LYPLAL1: variants seen among roughly 807,000 people sequenced by gnomAD.
The protein encoded by LYPLAL1 is lysophospholipase-like protein 1.
LYPLAL1 carries 23 observed loss-of-function variants against 19.7 expected under a neutral mutation model. The ratio of observed to expected loss-of-function variants is 1.17; its 90% CI spans 0.84 to 1.65. The LOEUF is 1.65. Ranked by LOEUF, LYPLAL1 falls within the 40% of genes most tolerant of loss-of-function variation. The probability of loss-of-function intolerance (pLI) is 0.00; values close to 1 mark genes in which losing one functional copy is unlikely to be tolerated. For missense variants in LYPLAL1, 355 were observed against 279.4 expected, an observed-to-expected ratio of 1.27 and a Z score of -1.93; for synonymous variants, 119 against 96.3, an observed-to-expected ratio of 1.24 and a Z score of -1.38.
chr1:219,437,939 G>A, the LYPLAL1 span, among the ~76,000 whole-genome samples: 1 of 151,688 alleles, frequency 6.6e-6, no homozygotes, highest in African/African-American at 2.4e-5. Flanking sequence ...GCTAATTTTT[G>A]TATTTTTAGT....
the LYPLAL1 span, among the ~76,000 whole-genome samples, chr1:219,238,869 AT>A: frequency 6.6e-5 from 10 of 152,330 alleles, no homozygotes; most frequent in African/African-American, 2.4e-4. Flanking sequence ...GTTTAGGTAA[AT>A]ATGTTTTGGG....
the LYPLAL1 span, among the ~76,000 whole-genome samples, chr1:219,265,814 T>C: frequency 6.6e-6 from 1 of 152,158 alleles, no homozygotes; most frequent in Non-Finnish European, 1.5e-5. Context: ...CTGAATACTG[T>C]AGGCACTTTT....
intron 3 of LYPLAL1, among the ~76,000 whole-genome samples, chr1:219,207,981 C>T (rs1451444470): frequency 1.3e-5 from 2 of 152,088 alleles, no homozygotes; most frequent in South Asian, 4.1e-4. Flanking sequence ...ACTCTTTGCT[C>T]AAATCCCATC....
At chr1:219,432,742 T>A in the LYPLAL1 span, among the ~76,000 whole-genome samples, 1 of 152,184 alleles carries the variant, frequency 6.6e-6, no homozygotes, top group Non-Finnish European at 1.5e-5. Flanking sequence ...ACGTTCATAG[T>A]AGAATATTTT....
chr1:219,302,980 C>G, the LYPLAL1 span, among the ~76,000 whole-genome samples: 1 of 152,172 alleles, frequency 6.6e-6, no homozygotes, highest in Non-Finnish European at 1.5e-5. Context: ...GTCCTCCCTG[C>G]ATTCCTGCTT....
chr1:219,278,353 AAAAC>A, the LYPLAL1 span, among the ~76,000 whole-genome samples: 1 of 152,214 alleles, frequency 6.6e-6, no homozygotes, highest in South Asian at 2.1e-4. Context: ...GAGAGAGAAA[AAAAC>A]AATTTAACAA....
At position 219,211,724 on chromosome 1, in the gene LYPLAL1, A is replaced by G. The variant is rs1659062817; in HGVS notation, c.710A>G (p.Lys237Arg). Residue 237 changes from lysine to arginine, a missense_variant, in exon 5 of 5, where the codon AAA (lysine) becomes AGA (arginine). By Grantham distance (26) the Lys-to-Arg change is conservative (BLOSUM62 2). Coordinates refer to ENST00000366928, the MANE Select transcript of LYPLAL1 (RefSeq NM_138794.5). ...TKLPGEMEKQ[K>R] ...CTGCCAGGAGAAATGGAAAAACAAA[A>G]ATGAATGAATCAAGAGTGATTTGTT... The G allele has an allele frequency of 8.2e-6, 13 of 1,591,574 alleles. No individual in the cohort carries two copies. Among genetic ancestry groups the G allele is most frequent in the African/African-American group, 1.3e-5 (1 of 74,144 alleles).
the LYPLAL1 span, among the ~76,000 whole-genome samples, chr1:219,257,060 C>A: frequency 2.6e-5 from 4 of 151,958 alleles, no homozygotes; most frequent in Admixed American, 2.6e-4. Context: ...CCAATTGGAT[C>A]ATGTTTCTTA....
At chr1:219,309,788 T>C in the LYPLAL1 span, among the ~76,000 whole-genome samples, 37 of 152,338 alleles carry the variant, frequency 2.4e-4, no homozygotes, top group East Asian at 6.9e-3. Flanking sequence ...GGTATGTCTT[T>C]ATCAGCAGCA....
the LYPLAL1 span, among the ~76,000 whole-genome samples, chr1:219,390,736 A>G: frequency 2.1e-4 from 32 of 152,184 alleles, no homozygotes; most frequent in African/African-American, 7.5e-4. Context: ...TGAGTTTTTC[A>G]TATTTATTTA....
the LYPLAL1 span, chr1:219,435,044 T>G: frequency 6.6e-6 from 1 of 152,214 alleles, no homozygotes; most frequent in Admixed American, 6.5e-5. Flanking sequence ...CAGCACACTC[T>G]GCGTGGCAGG....
At chr1:219,296,048 C>T in the LYPLAL1 span, among the ~76,000 whole-genome samples, 3 of 152,228 alleles carry the variant, frequency 2.0e-5, no homozygotes, top group African/African-American at 7.2e-5. Flanking sequence ...GGTGTTAAAT[C>T]AATATCTGAT....
the LYPLAL1 span, among the ~76,000 whole-genome samples, chr1:219,364,514 ATCTT>A: frequency 0.068 from 10,297 of 151,920 alleles, 500 homozygotes; most frequent in South Asian, 0.14. Context: ...TCTTTTTCGC[ATCTT>A]GTTGTTTGTA....
chr1:219,348,470 A>C, the LYPLAL1 span, among the ~76,000 whole-genome samples: 1 of 152,210 alleles, frequency 6.6e-6, no homozygotes, highest in African/African-American at 2.4e-5. Context: ...CTTCTGGGTC[A>C]CTTCCACACA....
At chr1:219,256,837 A>G in the LYPLAL1 span, among the ~76,000 whole-genome samples, 2 of 151,862 alleles carry the variant, frequency 1.3e-5, no homozygotes, top group African/African-American at 4.8e-5. Context: ...GAAGTATACT[A>G]CTTCTTTTCC....
intron 3 of LYPLAL1, among the ~76,000 whole-genome samples, chr1:219,203,618 A>G (rs1374556472): frequency 6.6e-6 from 1 of 152,224 alleles, no homozygotes; most frequent in Non-Finnish European, 1.5e-5. Context: ...TGAGAATGTG[A>G]CTGGTAAACA....
the LYPLAL1 span, among the ~76,000 whole-genome samples, chr1:219,348,434 A>G: frequency 6.6e-6 from 1 of 152,234 alleles, no homozygotes; most frequent in East Asian, 1.9e-4. Context: ...GGGCCTCTGC[A>G]GGTCATTCTG....
the LYPLAL1 span, among the ~76,000 whole-genome samples, chr1:219,252,721 CAAGGATATT>C: frequency 6.6e-6 from 1 of 152,152 alleles, no homozygotes; most frequent in African/African-American, 2.4e-5. Context: ...CATTGTTCAT[CAAGGATATT>C]AGCCTGAAGT....
rs1252444633 is a variant in LYPLAL1 at position 219,193,062 on chromosome 1, G to GC, written c.192-20_192-19insC. 6.6e-7 allele frequency: 1 copy of GC among 1,512,472 alleles called. No homozygotes were observed. The allele number at this position is 1,512,472 out of a possible 1,614,324, so 93.7% of individuals were successfully genotyped here. A position where few individuals can be genotyped will look rare whatever the true frequency, so the allele number is the denominator to read the frequency against. ...CCCTTTTCCTTTCTTTTTTTTTGGG[G>GC]GGGGGCGGTTGTTAAACAGATCATA... On this transcript the variant is annotated intron_variant, in intron 2 of 4. Transcript: ENST00000366928.
Sources: allele counts gnomAD v4.1 joint callset (sites outside exome capture counted in the v4.1 genomes callset), GRCh38; gene constraint gnomAD v4.1.1; transcripts MANE v1.5; gene names NCBI Gene and HGNC (gene_info 2026-07-23, HGNC 2026-07-21).